TMEM140: variants seen among roughly 807,000 people sequenced by gnomAD.
TMEM140 encodes the protein transmembrane protein 140.
For synonymous variants in TMEM140, 107 were observed against 106.8 expected (o/e 1.00, Z -0.01); for missense variants, 236 against 228.5 (o/e 1.03, Z -0.21).
chr7:135,162,434 T>A (rs1459964262), intron 1 of TMEM140, among the ~76,000 whole-genome samples: 2 of 152,222 alleles, frequency 1.3e-5, no homozygotes, highest in African/African-American at 4.8e-5. Context: ...TAGTCCATTT[T>A]CATACTGCTA....
At position 135,165,334 on chromosome 7, in the gene TMEM140, C is replaced by T; in HGVS notation, c.*335C>T. The T allele has an allele frequency of 4.1e-6, 1 of 241,256 alleles. No individual in the cohort carries two copies. The highest frequency in any genetic ancestry group is 8.7e-6 in the Non-Finnish European group (1 of 115,510). The allele number at this position is 241,256 out of a possible 1,614,324, so 14.9% of individuals were successfully genotyped here. On this transcript the variant is annotated 3_prime_UTR_variant, in exon 2 of 2. Coordinates refer to ENST00000275767, the MANE Select transcript of TMEM140 (RefSeq NM_018295.5). Reference sequence around the variant, plus strand: ...CAGGAGGGTGGGGAGGGAGTGATTGCTGTCATGGGGCCAGACTTCCAGGCT... The same window carrying T: ...CAGGAGGGTGGGGAGGGAGTGATTGTTGTCATGGGGCCAGACTTCCAGGCT...
chr7:135,159,790 A>G (rs750137769), intron 1 of TMEM140, among the ~76,000 whole-genome samples: 1 of 152,266 alleles, frequency 6.6e-6, no homozygotes, highest in Non-Finnish European at 1.5e-5. Context: ...GATGGTCAAC[A>G]AACACTTGAA....
At chr7:135,163,651 A>G (rs1830006152) in intron 1 of TMEM140, among the ~76,000 whole-genome samples, 1 of 152,216 alleles carries the variant, frequency 6.6e-6, no homozygotes, top group Non-Finnish European at 1.5e-5. Context: ...TCTCAAAAAC[A>G]AACAAACAAA....
At chr7:135,160,528 G>A (rs1449855801) in intron 1 of TMEM140, among the ~76,000 whole-genome samples, 1 of 152,138 alleles carries the variant, frequency 6.6e-6, no homozygotes, top group Admixed American at 6.5e-5. Context: ...AGCGAGGACT[G>A]ACTTCCACCC....
intron 1 of TMEM140, among the ~76,000 whole-genome samples, chr7:135,163,108 T>C (rs1829988621): frequency 6.6e-6 from 1 of 152,214 alleles, no homozygotes; most frequent in South Asian, 2.1e-4. Context: ...GTGGAAACAA[T>C]TTGTCTAGTA....
At position 135,164,754 on chromosome 7, in the gene TMEM140, C is replaced by T; in HGVS notation, c.313C>T (p.Gln105Ter). The T allele has an allele frequency of 2.5e-6, 4 of 1,614,236 alleles. No homozygotes were observed. Among genetic ancestry groups the T allele is most frequent in the Non-Finnish European group, 3.4e-6 (4 of 1,180,034 alleles). The change falls in exon 2 of 2, where the codon CAG (glutamine) becomes TAG (stop). Residue 105 changes from glutamine to a stop codon, truncating the protein, a stop_gained. Transcript: ENST00000275767. LOFTEE classifies it low-confidence loss of function (END_TRUNC). ...TGCCCCCCAGCCTCTCCTCCTAGCC[C>T]AGTGCAACAGTGATGAGAGAGCGTG... ...LFAPQPLLLA[Q>*]CNSDERAWRL...
At chr7:135,162,986 C>T (rs1829984791) in intron 1 of TMEM140, among the ~76,000 whole-genome samples, 1 of 152,198 alleles carries the variant, frequency 6.6e-6, no homozygotes, top group South Asian at 2.1e-4. Flanking sequence ...AGCAAGATCA[C>T]TAAAAGATAT....
At chr7:135,155,576 C>A (rs537364264) in intron 1 of TMEM140, among the ~76,000 whole-genome samples, 8 of 152,264 alleles carry the variant, frequency 5.3e-5, no homozygotes, top group South Asian at 4.1e-4. Flanking sequence ...TGCCTTTAAT[C>A]CCAGTGCTTT....
chr7:135,164,712 C>G lies in TMEM140; in HGVS notation c.271C>G (p.Leu91Val). 6.2e-7 allele frequency: 1 copy of G among 1,614,234 alleles called. No homozygotes were observed. Among genetic ancestry groups the G allele is most frequent in the Non-Finnish European group, 8.5e-7 (1 of 1,180,038 alleles). Reference sequence around the variant, plus strand: ...GGCCAGGCTTGGCGTGTACGGGTCCCTGGTCCTCACCCTCTTTGCCCCCCA... The same window carrying G: ...GGCCAGGCTTGGCGTGTACGGGTCCGTGGTCCTCACCCTCTTTGCCCCCCA... The part of the protein sequence containing the change: ...GLARLGVYGS[L>V]VLTLFAPQPL... The change falls in exon 2 of 2, where the codon CTG (leucine) becomes GTG (valine). Residue 91 changes from leucine to valine, a missense_variant. Physicochemically the swap from Leu to Val is conservative, Grantham distance 32 (BLOSUM62 1). Transcript: ENST00000275767.
chr7:135,163,717 ATTAGTTT>A (rs1562927268), intron 1 of TMEM140, among the ~76,000 whole-genome samples: 1 of 152,216 alleles, frequency 6.6e-6, no homozygotes, highest in Admixed American at 6.5e-5. Flanking sequence ...AAAAATATGT[ATTAGTTT>A]TTAAAGTAAT....
In TMEM140 at chr7:135,164,489, C is replaced by A; in HGVS notation, c.48C>A (p.Ser16Arg). ...GGCGCGACCAGCTGCTGTTCATGAG[C>A]ATCATAGTCCTCGTGATTGTGGTCA... ...PRWRDQLLFMSIIVLVIVVIC... is the reference protein window; with the variant it reads ...PRWRDQLLFMRIIVLVIVVIC... The change falls in exon 2 of 2, where the codon AGC becomes AGA. Residue 16 changes from serine to arginine, a missense_variant. By Grantham distance (110) the Ser-to-Arg change is moderately radical. Transcript: ENST00000275767. 1 of 1,609,076 alleles carries A rather than the reference C, an allele frequency of 6.2e-7. No homozygotes were observed. Among genetic ancestry groups the A allele is most frequent in the Non-Finnish European group, 8.5e-7 (1 of 1,175,676 alleles).
At chr7:135,159,754 C>T (rs1159838424) in intron 1 of TMEM140, among the ~76,000 whole-genome samples, 3 of 152,310 alleles carry the variant, frequency 2.0e-5, no homozygotes, top group East Asian at 1.9e-4. Context: ...AAAGAACTGA[C>T]AGCACTTCAC....
At chr7:135,163,646 A>AAAAC (rs969567514) in intron 1 of TMEM140, among the ~76,000 whole-genome samples, 2 of 152,214 alleles carry the variant, frequency 1.3e-5, no homozygotes, top group Admixed American at 6.5e-5. Flanking sequence ...CTCCATCTCA[A>AAAAC]AAACAAACAA....
At position 135,165,411 on chromosome 7, in the gene TMEM140, G is replaced by A. The variant is rs1419030473; in HGVS notation, c.*412G>A. 1.6e-5 allele frequency: 3 copies of A among 183,190 alleles called. No homozygotes were observed. Among genetic ancestry groups the A allele is most frequent in the Non-Finnish European group, 3.9e-5 (3 of 77,634 alleles). The allele number at this position is 183,190 out of a possible 1,614,324, so 11.3% of individuals were successfully genotyped here. ...TAGCAAAGAACTTACGGCAACAAACGAGGACATTAAAAGAGCGAGCACCTC... is the reference window on the plus strand; with the variant it reads ...TAGCAAAGAACTTACGGCAACAAACAAGGACATTAAAAGAGCGAGCACCTC... On this transcript the variant is annotated 3_prime_UTR_variant, in exon 2 of 2. Transcript: ENST00000275767.
At chr7:135,162,290 T>C (rs1047845934) in intron 1 of TMEM140, among the ~76,000 whole-genome samples, 4 of 152,224 alleles carry the variant, frequency 2.6e-5, no homozygotes, top group Non-Finnish European at 4.4e-5. Context: ...CGACTCATTT[T>C]GCTGCTGAAC....
intron 1 of TMEM140, among the ~76,000 whole-genome samples, chr7:135,148,539 G>A (rs184962235): frequency 1.9e-3 from 294 of 152,312 alleles, no homozygotes; most frequent in African/African-American, 6.7e-3. Context: ...AGTATAACTG[G>A]TTAGAAACGA....
In TMEM140 at chr7:135,156,164, C is replaced by T. The variant is rs190045435; in HGVS notation, c.-25+7894C>T. Among the ~76,000 whole-genome samples the T allele has an allele frequency of 5.2e-3, 798 of 152,180 alleles. 9 individuals carry two copies. Among genetic ancestry groups the T allele is most frequent in the African/African-American group, 0.018 (767 of 41,522 alleles). On this transcript the variant is annotated intron_variant, in intron 1 of 1. Coordinates refer to ENST00000275767, the MANE Select transcript of TMEM140 (RefSeq NM_018295.5). ...CTTTATAGGTGACTAGTCACTTTTG[C>T]TAATTTTAAAATTCTTTCTTTCACT...
intron 1 of TMEM140, among the ~76,000 whole-genome samples, chr7:135,158,493 G>A (rs949266973): frequency 2.6e-5 from 4 of 152,216 alleles, no homozygotes; most frequent in African/African-American, 4.8e-5. Context: ...GCCACATCTC[G>A]GTCTCACAGC....
chr7:135,151,210 A>G lies in TMEM140; in HGVS notation c.-25+2940A>G, dbSNP rs1829658462. Among the ~76,000 whole-genome samples the G allele has an allele frequency of 6.6e-6, 1 of 152,250 alleles. No individual in the cohort carries two copies. On this transcript the variant is annotated intron_variant, in intron 1 of 1. Transcript: ENST00000275767. This position sits in a 1 kb window ranked among gnomAD's most constrained non-coding sequence, Gnocchi z 4.3. The stretch of plus-strand genomic sequence containing the variant: ...CTTGGTGGTTGGGATGGCTGTCCAC[A>G]GAAAACACTGGTGAAATCCAGGAGC...
Sources: gnomAD v4.1 joint callset for allele counts (sites outside exome capture counted in the v4.1 genomes callset) on GRCh38, gnomAD v4.1.1 for gene constraint, Gnocchi (gnomAD v3.1) non-coding constraint, MANE v1.5 for transcripts, NCBI Gene and HGNC (gene_info 2026-07-23, HGNC 2026-07-21) for gene names.